The following NLGN1 variants were observed in gnomAD, a reference collection of about 807,000 sequenced individuals.
NLGN1 encodes the protein neuroligin-1.
In NLGN1, 12 loss-of-function variants were observed where a neutral mutation model predicts 65.5. The ratio of observed to expected loss-of-function variants is 0.18; its 90% CI spans 0.12 to 0.30. The LOEUF is 0.30. NLGN1 is among the 10% of genes least tolerant of loss of function. NLGN1 has a pLI of 1.00. For synonymous variants in NLGN1, 350 were observed against 359.5 expected (o/e 0.97, Z 0.30); for missense variants, 750 against 1,007.1 (o/e 0.74, Z 3.46).
At chr3:173,946,691 C>T (rs1179978155) in intron 4 of NLGN1, among the ~76,000 whole-genome samples, 1 of 152,142 alleles carries the variant, frequency 6.6e-6, no homozygotes, top group African/African-American at 2.4e-5. Flanking sequence ...TCATCTTGTA[C>T]TTCCGCTAGC....
chr3:174,111,722 A>G (rs545653804), intron 4 of NLGN1, among the ~76,000 whole-genome samples: 2 of 151,998 alleles, frequency 1.3e-5, no homozygotes, highest in East Asian at 3.9e-4. Context: ...AAGGGAATGA[A>G]TTATTAGTTA....
At chr3:174,286,216 T>C (rs1163159780) in exon 7 of NLGN1, 1 of 151,498 alleles carries the variant, frequency 6.6e-6, no homozygotes, top group African/African-American at 2.4e-5. Context: ...TTCAGACCCA[T>C]ATACTTACAA....
chr3:174,079,972 C>A (rs1466211057), intron 4 of NLGN1, among the ~76,000 whole-genome samples: 1 of 151,884 alleles, frequency 6.6e-6, no homozygotes, highest in African/African-American at 2.4e-5. Flanking sequence ...ATAATCTGTA[C>A]CACAAACCCC....
chr3:173,455,796 A>G (rs902262239), intron 2 of NLGN1, among the ~76,000 whole-genome samples: 5 of 152,096 alleles, frequency 3.3e-5, no homozygotes, highest in Admixed American at 2.0e-4. Context: ...ATTTTACGTT[A>G]TTGGCTTACA....
chr3:173,612,819 G>A (rs1392426469), intron 3 of NLGN1, among the ~76,000 whole-genome samples: 2 of 152,094 alleles, frequency 1.3e-5, no homozygotes, highest in Non-Finnish European at 1.5e-5. Context: ...CAGCACATGG[G>A]CATGGTTGGT....
intron 2 of NLGN1, among the ~76,000 whole-genome samples, chr3:173,539,404 T>C (rs1738043715): frequency 6.8e-6 from 1 of 146,594 alleles, no homozygotes; most frequent in Admixed American, 6.9e-5. Context: ...CATATATATG[T>C]TATATATTAT....
chr3:173,927,467 A>G (rs1052550269), intron 4 of NLGN1, among the ~76,000 whole-genome samples: 2 of 152,084 alleles, frequency 1.3e-5, no homozygotes, highest in Non-Finnish European at 2.9e-5. Flanking sequence ...GTCATGACAT[A>G]GGCTCAGAAA....
chr3:173,790,699 GTGTT>G (rs1464104172), intron 3 of NLGN1, among the ~76,000 whole-genome samples: 3 of 152,114 alleles, frequency 2.0e-5, no homozygotes, highest in African/African-American at 7.2e-5. Flanking sequence ...GTGTGTGTGT[GTGTT>G]TGTGTATTAA....
At chr3:173,669,549 G>A (rs1762181444) in intron 3 of NLGN1, among the ~76,000 whole-genome samples, 1 of 152,108 alleles carries the variant, frequency 6.6e-6, no homozygotes, top group Non-Finnish European at 1.5e-5. Flanking sequence ...AGTCATATTG[G>A]ATTAGGGACC....
intron 4 of NLGN1, among the ~76,000 whole-genome samples, chr3:174,025,641 C>T (rs1396526113): frequency 2.6e-5 from 4 of 151,996 alleles, no homozygotes; most frequent in African/African-American, 4.8e-5. Context: ...GGAAAAAAGA[C>T]AAACTATAAC....
intron 4 of NLGN1, among the ~76,000 whole-genome samples, chr3:173,896,300 A>G (rs996700930): frequency 3.9e-5 from 6 of 152,198 alleles, no homozygotes; most frequent in African/African-American, 1.2e-4. Flanking sequence ...TCTGCCCATC[A>G]TACATAGGAC....
intron 1 of NLGN1, among the ~76,000 whole-genome samples, chr3:173,407,668 A>G (rs1711550517): frequency 6.6e-6 from 1 of 152,214 alleles, no homozygotes; most frequent in Non-Finnish European, 1.5e-5. Context: ...CATTGCTTGC[A>G]TAAAAGCAAT....
chr3:173,835,373 A>G (rs1005724477), intron 4 of NLGN1, among the ~76,000 whole-genome samples: 6 of 152,120 alleles, frequency 3.9e-5, no homozygotes, highest in Non-Finnish European at 8.8e-5. Flanking sequence ...TCTGCACTTG[A>G]TAAGAGGGTA....
At chr3:173,420,507 A>T (rs147419457) in intron 1 of NLGN1, among the ~76,000 whole-genome samples, 2,998 of 152,168 alleles carry the variant, frequency 0.02, 95 homozygotes, top group African/African-American at 0.069. Context: ...TTCCAAGTCT[A>T]TGCTATTGTG....
intron 4 of NLGN1, among the ~76,000 whole-genome samples, chr3:174,145,604 A>T (rs1178529586): frequency 1.3e-5 from 2 of 152,220 alleles, no homozygotes; most frequent in Admixed American, 1.3e-4. Context: ...CTTTTTAAAA[A>T]TGAATCATCA....
At chr3:173,899,062 G>C (rs1009171147) in intron 4 of NLGN1, among the ~76,000 whole-genome samples, 10 of 152,068 alleles carry the variant, frequency 6.6e-5, no homozygotes, top group African/African-American at 2.2e-4. Context: ...TGATAAACAT[G>C]TACATCTCTG....
At chr3:173,646,548 C>T (rs541222672) in intron 3 of NLGN1, among the ~76,000 whole-genome samples, 1 of 152,284 alleles carries the variant, frequency 6.6e-6, no homozygotes, top group South Asian at 2.1e-4. Flanking sequence ...ATATATATCC[C>T]AGTTAATCTG....
chr3:173,831,076 C>T (rs1370921839), intron 4 of NLGN1, among the ~76,000 whole-genome samples: 3 of 152,110 alleles, frequency 2.0e-5, no homozygotes, highest in Non-Finnish European at 4.4e-5. Flanking sequence ...CACTTAACAT[C>T]ATGGTCTCCA....
At chr3:173,855,564 T>C (rs1295636057) in intron 4 of NLGN1, among the ~76,000 whole-genome samples, 1 of 152,108 alleles carries the variant, frequency 6.6e-6, no homozygotes, top group Non-Finnish European at 1.5e-5. Context: ...TCTTCCAAGA[T>C]GTGCCACACT....
Sources: gnomAD v4.1 joint callset for allele counts (sites outside exome capture counted in the v4.1 genomes callset) on GRCh38, gnomAD v4.1.1 for gene constraint, MANE v1.5 for transcripts, NCBI Gene and HGNC (gene_info 2026-07-23, HGNC 2026-07-21) for gene names.